Variants in IKBKB observed in about 807,000 individuals in gnomAD.
IKBKB encodes the protein inhibitor of nuclear factor kappa B kinase subunit beta.
Under a neutral mutation model 113.6 loss-of-function variants are expected in IKBKB, and 42 were observed. The ratio of observed to expected loss-of-function variants is 0.37; its 90% CI spans 0.29 to 0.48. The LOEUF (loss-of-function observed/expected upper bound fraction) is 0.48. Among genes scored for constraint, IKBKB ranks in the 20% least tolerant of loss-of-function variants. The probability of loss-of-function intolerance (pLI) is 0.99; values close to 1 mark genes in which losing one functional copy is unlikely to be tolerated. For synonymous variants in IKBKB, 296 were observed against 361.3 expected (o/e 0.82, Z 2.05); for missense variants, 673 against 939.7 (o/e 0.72, Z 3.71).
At chr8:42,329,957 C>A in intron 21 of IKBKB, 4 of 985,434 alleles carry the variant, frequency 4.1e-6, no homozygotes, top group Non-Finnish European at 3.6e-6. Flanking sequence ...TGAATTGCAG[C>A]CTTTGCTGAT....
chr8:42,298,608 A>C (rs1475667668), intron 5 of IKBKB: 1 of 410,928 alleles, frequency 2.4e-6, no homozygotes, highest in East Asian at 1.6e-4. Context: ...AGCATAAGTA[A>C]CCAGGTTAAT....
intron 2 of IKBKB, among the ~76,000 whole-genome samples, chr8:42,277,180 A>ATTTT (rs751878075): frequency 4.7e-5 from 4 of 84,902 alleles, no homozygotes; most frequent in Non-Finnish European, 7.4e-5. Flanking sequence ...CGTGTGGCTA[A>ATTTT]TTTTTTTTTT....
chr8:42,298,878 C>T (rs1814498257), intron 5 of IKBKB, among the ~76,000 whole-genome samples: 1 of 152,164 alleles, frequency 6.6e-6, no homozygotes, highest in African/African-American at 2.4e-5. Flanking sequence ...TAACTGCTTC[C>T]CACAGGCTCT....
chr8:42,321,644 C>T (rs1183340855), intron 16 of IKBKB: 3 of 432,742 alleles, frequency 6.9e-6, no homozygotes, highest in Non-Finnish European at 1.2e-5. Context: ...ATCTCAGCCT[C>T]CCAAGTAACC....
rs1307219055 is a variant in IKBKB at position 42,332,096 on chromosome 8, T to A, written c.*1117T>A. The A allele has an allele frequency of 2.0e-5, 3 of 152,336 alleles. No individual in the cohort carries two copies. Among genetic ancestry groups the A allele is most frequent in the Admixed American group, 6.5e-5 (1 of 15,296 alleles). 9.4% of individuals were successfully genotyped at this position (152,336 alleles called of 1,614,324 possible). ...CATTTCACAGAACTTCTCTTTTATA[T>A]AAAGGCAAGAGCACAAAATGAGTTC... On this transcript the variant is annotated 3_prime_UTR_variant, in exon 22 of 22. Transcript: ENST00000520810.
chr8:42,296,625 G>A (rs1353107657), intron 5 of IKBKB, among the ~76,000 whole-genome samples: 3 of 150,824 alleles, frequency 2.0e-5, no homozygotes, highest in African/African-American at 7.4e-5. Context: ...CTCCAGCCTG[G>A]GCAACAAGAG....
intron 5 of IKBKB, among the ~76,000 whole-genome samples, chr8:42,293,755 A>G (rs960287188): frequency 3.3e-5 from 5 of 152,160 alleles, no homozygotes; most frequent in African/African-American, 9.7e-5. Flanking sequence ...ATTATGATGT[A>G]TAGGGAATAA....
At position 42,327,972 on chromosome 8, in the gene IKBKB, G is replaced by A. The variant is rs1301729531; in HGVS notation, c.2115-1152G>A. Among the ~76,000 whole-genome samples the A allele has an allele frequency of 1.2e-4, 5 of 40,272 alleles. 2 individuals are homozygous for A. The highest frequency in any genetic ancestry group is 1.9e-4 in the African/African-American group (5 of 26,272). The allele number at this position is 40,272 out of a possible 152,430, so 26.4% of individuals were successfully genotyped here. On this transcript the variant is annotated intron_variant, in intron 20 of 21. Transcript: ENST00000520810. The stretch of plus-strand genomic sequence containing the variant: ...ACTACAGGCGCCCGCCACCGCGCCC[G>A]GCTAATTTTTTGTATTTTTAGTAGA...
In IKBKB at chr8:42,326,061, C is replaced by T. The variant is rs199897983; in HGVS notation, c.2078C>T (p.Thr693Met). 8.4e-5 allele frequency: 135 copies of T among 1,614,230 alleles called. No homozygotes were observed. Among genetic ancestry groups the T allele is most frequent in the South Asian group, 3.3e-4 (30 of 91,090 alleles). The change falls in exon 20 of 22, where the codon ACG becomes ATG. Residue 693 changes from threonine to methionine, a missense_variant. Physicochemically the swap from Thr to Met is moderately conservative, Grantham distance 81. Transcript: ENST00000520810. Reference sequence around the variant, plus strand: ...GGGCAGCTGATGTCTCAGCCCTCCACGGCCTCCAACAGCTTACCTGAGCCA... The same window carrying T: ...GGGCAGCTGATGTCTCAGCCCTCCATGGCCTCCAACAGCTTACCTGAGCCA... The part of the protein sequence containing the change: ...QPGQLMSQPS[T>M]ASNSLPEPAK...
chr8:42,308,351 G>A (rs1816973230), intron 7 of IKBKB, among the ~76,000 whole-genome samples: 2 of 147,206 alleles, frequency 1.4e-5, no homozygotes, highest in Admixed American at 6.8e-5. Flanking sequence ...AGGCTGGAGT[G>A]CAGTGGCATG....
chr8:42,295,459 G>A (rs951553000), intron 5 of IKBKB, among the ~76,000 whole-genome samples: 3 of 152,156 alleles, frequency 2.0e-5, no homozygotes, highest in East Asian at 3.9e-4. Context: ...GGGCGCAGTG[G>A]CTCACGCCTG....
chr8:42,303,164 GAGAAAC>G (rs1172600312), intron 5 of IKBKB, among the ~76,000 whole-genome samples: 2 of 151,582 alleles, frequency 1.3e-5, no homozygotes, highest in African/African-American at 4.8e-5. Context: ...GAGAATGAGA[GAGAAAC>G]AGAGAGAATG....
intron 2 of IKBKB, among the ~76,000 whole-genome samples, chr8:42,282,637 G>A (rs1485075761): frequency 6.6e-6 from 1 of 152,176 alleles, no homozygotes; most frequent in Non-Finnish European, 1.5e-5. Context: ...GAAAAATAAA[G>A]TAAGCCATCC....
At chr8:42,317,898 G>A (rs1563355862) in intron 12 of IKBKB, 127 bp downstream of exon 12, 2 of 695,580 alleles carry the variant, frequency 2.9e-6, no homozygotes, top group South Asian at 1.6e-5. Context: ...AGTCCTCAGG[G>A]CAGCCTTCCT....
In IKBKB at chr8:42,314,851, C is replaced by T. The variant is rs545095196; in HGVS notation, c.800+422C>T. On this transcript the variant is annotated intron_variant, in intron 9 of 21. Coordinates refer to ENST00000520810, the MANE Select transcript of IKBKB (RefSeq NM_001556.3). The stretch of plus-strand genomic sequence containing the variant: ...ACTTTTAAACAGGCTATCAGGATAT[C>T]GTCCTGTGACTAAGAAATTAACATA... 3.9e-5 allele frequency among the ~76,000 whole-genome samples: 6 copies of T among 152,062 alleles called. No homozygotes were observed. The South Asian group carries it at 1.0e-3, about 26-fold the overall frequency.
intron 2 of IKBKB, among the ~76,000 whole-genome samples, chr8:42,279,679 G>A (rs1022773942): frequency 1.3e-5 from 2 of 152,102 alleles, no homozygotes; most frequent in Non-Finnish European, 2.9e-5. Flanking sequence ...AAGAGGCTAG[G>A]ATTGGAACCT....
At chr8:42,322,585 C>T in intron 19 of IKBKB, 91 bp downstream of exon 19, 1 of 1,350,042 alleles carries the variant, frequency 7.4e-7, no homozygotes, top group Non-Finnish European at 1.0e-6. Context: ...CACGGGACAC[C>T]ACAGAGCCAC....
At position 42,271,459 on chromosome 8, in the gene IKBKB, C is replaced by T. The variant is rs1040821375; in HGVS notation, c.-29C>T. The T allele has an allele frequency of 3.7e-6, 5 of 1,347,550 alleles. No individual in the cohort carries two copies. The highest frequency in any genetic ancestry group is 2.5e-5 in the South Asian group (2 of 78,864). 83.5% of individuals were successfully genotyped at this position (1,347,550 alleles called of 1,614,324 possible). On this transcript the variant is annotated 5_prime_UTR_variant, in exon 1 of 22. Transcript: ENST00000520810. ...GGGAGCCCGCCCCCTGCCCCGCGTC[C>T]CTGCCGACAGGTGAGTCCCCCTCGT...
chr8:42,329,180 A>T lies in IKBKB; in HGVS notation c.2171A>T (p.Gln724Leu). The change falls in exon 21 of 22, where the codon CAG becomes CTG. Residue 724 changes from glutamine to leucine, a missense_variant. Physicochemically the swap from Gln to Leu is moderately radical, Grantham distance 113. Around this residue, in one of 2 missense-constraint regions of IKBKB, gnomAD observed 506 missense variants for 638.7 expected, o/e 0.79. Coordinates refer to ENST00000520810, the MANE Select transcript of IKBKB (RefSeq NM_001556.3). ...TGCACCCTGCTAGAAAATGCCATAC[A>T]GGACACTGTGAGGGAACAAGACCAG... ...NLCTLLENAIQDTVREQDQSF... is the reference protein window; with the variant it reads ...NLCTLLENAILDTVREQDQSF... The T allele has an allele frequency of 1.2e-6, 2 of 1,604,254 alleles. No homozygotes were observed. The highest frequency in any genetic ancestry group is 1.7e-6 in the Non-Finnish European group (2 of 1,176,738).
Sources: allele counts gnomAD v4.1 joint callset (sites outside exome capture counted in the v4.1 genomes callset), GRCh38; gene constraint gnomAD v4.1.1; regional missense constraint gnomAD v4.1.1; transcripts MANE v1.5; gene names NCBI Gene and HGNC (gene_info 2026-07-23, HGNC 2026-07-21).